Variants in ABCA3 observed in about 807,000 individuals in gnomAD.
ABCA3 encodes the protein ATP binding cassette subfamily A member 3.
ABCA3 carries 88 observed loss-of-function variants against 172.8 expected under a neutral mutation model. The observed-to-expected ratio is 0.51, with a 90% CI of 0.43 to 0.61. The LOEUF (loss-of-function observed/expected upper bound fraction) is 0.61. ABCA3 is among the 20% of genes least tolerant of loss of function. ABCA3 has a pLI of 0.00. For missense variants in ABCA3, 2,164 were observed against 2,301.0 expected, an observed-to-expected ratio of 0.94 and a Z score of 1.22; for synonymous variants, 1,066 against 983.8, an observed-to-expected ratio of 1.08 and a Z score of -1.56.
Position 2,310,431 on chromosome 16 carries a change from CAA to C in ABCA3, c.1112-1810_1112-1809del, listed in dbSNP as rs532885771. Among the ~76,000 whole-genome samples the C allele has an allele frequency of 3.7e-3, 383 of 104,710 alleles. 5 individuals carry two copies. Among genetic ancestry groups the C allele is most frequent in the Non-Finnish European group, 2.1e-3 (92 of 44,868 alleles). The allele number at this position is 104,710 out of a possible 152,430, so 68.7% of individuals were successfully genotyped here. ...CAAAACAAACAAACAAACAAAAAAACAAACAAACAAACAAAACACCCACACAC... is the reference window on the plus strand; with the variant it reads ...CAAAACAAACAAACAAACAAAAAAACACAAACAAACAAAACACCCACACAC... On this transcript the variant is annotated intron_variant, in intron 10 of 32. Coordinates refer to ENST00000301732, the MANE Select transcript of ABCA3 (RefSeq NM_001089.3).
intron 20 of ABCA3, among the ~76,000 whole-genome samples, chr16:2,288,782 G>C (rs1474219512): frequency 1.3e-5 from 2 of 152,124 alleles, no homozygotes; most frequent in Non-Finnish European, 2.9e-5. Context: ...CTGACCTCAA[G>C]TGATCTGCCC....
chr16:2,297,740 C>T lies in ABCA3; in HGVS notation c.2052+26G>A. ...TCCCAGGTCGAGCAGGAGGGGAACC[C>T]ACTGCCTCCAGTCCCACCGCCACAC... On this transcript the variant is annotated intron_variant, in intron 16 of 32. Coordinates refer to ENST00000301732, the MANE Select transcript of ABCA3 (RefSeq NM_001089.3). This position sits in a 1 kb window ranked among gnomAD's most constrained non-coding sequence, Gnocchi z 5.6. The T allele has an allele frequency of 2.5e-6, 4 of 1,607,616 alleles. No individual in the cohort carries two copies. The highest frequency in any genetic ancestry group is 3.4e-6 in the Non-Finnish European group (4 of 1,179,956).
Position 2,298,429 on chromosome 16 carries a change from A to C in ABCA3, c.1853T>G (p.Phe618Cys). Residue 618 changes from phenylalanine to cysteine, a missense_variant, in exon 15 of 33, where the codon TTT becomes TGT. Coordinates refer to ENST00000301732, the MANE Select transcript of ABCA3 (RefSeq NM_001089.3). ...GTGCTCTGCGACTGTCAAGTTGTCA[A>C]ACAGGATGTCGTGCTGCGGGCACAG... ...LGLCPQHDIL[F>C]DNLTVAEHLY... 1.9e-6 allele frequency: 3 copies of C among 1,614,118 alleles called. No homozygotes were observed. Among genetic ancestry groups the C allele is most frequent in the Non-Finnish European group, 2.5e-6 (3 of 1,180,012 alleles).
At chr16:2,338,944 T>C (rs2093756135) in intron 1 of ABCA3, among the ~76,000 whole-genome samples, 2 of 151,908 alleles carry the variant, frequency 1.3e-5, no homozygotes, top group South Asian at 4.2e-4. Context: ...TTGGTAAAGA[T>C]GAGGTTTCGC....
chr16:2,292,778 AAAC>A (rs1261552342), intron 18 of ABCA3, among the ~76,000 whole-genome samples: 2 of 151,744 alleles, frequency 1.3e-5, no homozygotes, highest in Non-Finnish European at 2.9e-5. Context: ...AAACAAAACA[AAAC>A]AACAAACAAC....
intron 7 of ABCA3, among the ~76,000 whole-genome samples, chr16:2,321,352 A>T (rs2093725756): frequency 1.3e-5 from 2 of 152,204 alleles, no homozygotes; most frequent in African/African-American, 2.4e-5. Flanking sequence ...GCCCTAGAGC[A>T]TTAGCCTGGT....
At position 2,284,414 on chromosome 16, in the gene ABCA3, T is replaced by C; in HGVS notation, c.3727A>G (p.Lys1243Glu). 1 of 1,613,968 alleles carries C rather than the reference T, an allele frequency of 6.2e-7. No homozygotes were observed. Among genetic ancestry groups the C allele is most frequent in the Non-Finnish European group, 8.5e-7 (1 of 1,180,014 alleles). Reference protein sequence around the residue: ...IPAVKLEELSKTLDHVFLVLP... With the variant: ...IPAVKLEELSETLDHVFLVLP... ...ACCAGGAACACGTGATCCAGGGTTT[T>C]GGAAAGTTCTTCCAGTTTTACAGCT... The change falls in exon 25 of 33, where the codon AAA becomes GAA. Residue 1243 changes from lysine (K) to glutamate (E), a missense_variant. Coordinates refer to ENST00000301732, the MANE Select transcript of ABCA3 (RefSeq NM_001089.3). The surrounding 1 kb of genome is among the most constrained non-coding windows in gnomAD (Gnocchi z 5.9).
At position 2,317,666 on chromosome 16, in the gene ABCA3, G is replaced by C. The variant is rs111299452; in HGVS notation, c.972C>G (p.Thr324=). 2.0e-5 allele frequency: 33 copies of C among 1,614,216 alleles called. No homozygotes were observed. In the African/African-American group the frequency reaches 2.5e-4, roughly 12 times the overall value. Residue 324 remains threonine, a synonymous_variant, in exon 9 of 33, where the codon ACC becomes ACG. Coordinates refer to ENST00000301732, the MANE Select transcript of ABCA3 (RefSeq NM_001089.3). ...LFLLIAASFM[T]LLFCVKVKPN... ...TGCTCACCTTGACACAGAAGAGCAGGGTCATGAAGGAGGCGGCGATGAGGA... is the reference window on the plus strand; with the variant it reads ...TGCTCACCTTGACACAGAAGAGCAGCGTCATGAAGGAGGCGGCGATGAGGA...
rs2093660041 is a variant in ABCA3, at chr16:2,284,688, T to G, written c.3703+91A>C. 7.1e-7 allele frequency: 1 copy of G among 1,409,758 alleles called. No individual in the cohort carries two copies. The highest frequency in any genetic ancestry group is 1.4e-5 in the African/African-American group (1 of 70,304). The allele number at this position is 1,409,758 out of a possible 1,614,324, so 87.3% of individuals were successfully genotyped here. A position where few individuals can be genotyped will look rare whatever the true frequency, so the allele number is the denominator to read the frequency against. On this transcript the variant is annotated intron_variant, in intron 24 of 32. Transcript: ENST00000301732. The surrounding 1 kb of genome is among the most constrained non-coding windows in gnomAD (Gnocchi z 5.9). The stretch of plus-strand genomic sequence containing the variant: ...GCATGAACTGGGCCCATTGCCTGAG[T>G]CCCGCCTCGGCTGTGGCTGGTGCCT...
chr16:2,339,812 C>T (rs1397016520), intron 1 of ABCA3, among the ~76,000 whole-genome samples: 2 of 152,290 alleles, frequency 1.3e-5, no homozygotes, highest in African/African-American at 4.8e-5. Context: ...AGCGCCTTCC[C>T]CACGCCCCTG....
chr16:2,313,642 T>C lies in ABCA3; in HGVS notation c.1111+3641A>G, dbSNP rs181696472. On this transcript the variant is annotated intron_variant, in intron 10 of 32. Transcript: ENST00000301732. The stretch of plus-strand genomic sequence containing the variant: ...TTAAGAGGCCAGGCGTGGTGGCTCA[T>C]GCCTGTAATCCCAGCACTCTGGGAG... Among the ~76,000 whole-genome samples, 14 of 147,826 alleles carry C rather than the reference T, an allele frequency of 9.5e-5. 1 individual carries two copies. In the East Asian group the frequency reaches 2.8e-3, roughly 30 times the overall value.
At chr16:2,308,668 C>A (rs766482871) in intron 10 of ABCA3, 45 bp from the exon 11 acceptor site, 2 of 1,610,292 alleles carry the variant, frequency 1.2e-6, no homozygotes, top group South Asian at 2.2e-5. Context: ...TCAGTGCCCT[C>A]AAAAGGGGCT....
chr16:2,321,202 C>T (rs1567352811), intron 7 of ABCA3, among the ~76,000 whole-genome samples: 1 of 152,200 alleles, frequency 6.6e-6, no homozygotes, highest in East Asian at 1.9e-4. Flanking sequence ...TCCCCTGCTG[C>T]AGGCAGCAAG....
Position 2,278,410 on chromosome 16 carries a change from C to T in ABCA3, c.4596G>A (p.Glu1532=). The change falls in exon 30 of 33, where the codon GAG becomes GAA. Residue 1532 remains glutamate (E), a synonymous_variant. Coordinates refer to ENST00000301732, the MANE Select transcript of ABCA3 (RefSeq NM_001089.3). The surrounding 1 kb of genome is among the most constrained non-coding windows in gnomAD (Gnocchi z 4.4). The part of the protein sequence containing the change: ...KLSTGIALIG[E]PAVIFLDEPS... The stretch of plus-strand genomic sequence containing the variant: ...GCTCGTCCAGGAAGATGACAGCAGG[C>T]TCTCCGATCAGGGCGATGCCGGTGC... 6.2e-7 allele frequency: 1 copy of T among 1,612,878 alleles called. No individual in the cohort carries two copies. The highest frequency in any genetic ancestry group is 8.5e-7 in the Non-Finnish European group (1 of 1,180,014).
intron 11 of ABCA3, 102 bp from the exon 12 acceptor site, chr16:2,304,252 G>A: frequency 8.0e-7 from 1 of 1,244,602 alleles, no homozygotes. Context: ...ACCTTGCATG[G>A]CCACTGCTTG....
At chr16:2,296,928 G>A (rs188622821) in intron 17 of ABCA3, among the ~76,000 whole-genome samples, 5 of 152,326 alleles carry the variant, frequency 3.3e-5, no homozygotes, top group Admixed American at 6.5e-5. Context: ...AAGGGAAGCC[G>A]TAGTTGCACA....
intron 26 of ABCA3, among the ~76,000 whole-genome samples, chr16:2,282,026 G>A (rs1360075112): frequency 6.6e-6 from 1 of 152,154 alleles, no homozygotes; most frequent in Non-Finnish European, 1.5e-5. Flanking sequence ...CTGACCTTTG[G>A]TGATCCGTCC....
chr16:2,285,465 G>A lies in ABCA3; in HGVS notation c.3460C>T (p.Leu1154Phe), dbSNP rs1350099367. ...ACCAGCAGCAGCAGACTGGGGATGA[G>A]GAAGGAGATGAGGTCCCACAGCAGA... ...SALLWDLISF[L>F]IPSLLLLVVF... The change falls in exon 23 of 33, where the codon CTC (leucine) becomes TTC (phenylalanine). Residue 1154 changes from leucine (L) to phenylalanine (F), a missense_variant. Leu to Phe is a conservative substitution (Grantham distance 22). This residue lies in a region of ABCA3 where 795 missense variants were observed against 881.9 expected (regional missense o/e 0.90). Transcript: ENST00000301732. The surrounding 1 kb of genome is among the most constrained non-coding windows in gnomAD (Gnocchi z 4.7). 1 of 1,611,396 alleles carries A rather than the reference G, an allele frequency of 6.2e-7. No individual in the cohort carries two copies. Among genetic ancestry groups the A allele is most frequent in the Non-Finnish European group, 8.5e-7 (1 of 1,178,898 alleles).
At chr16:2,307,669 G>A (rs1049018508) in intron 11 of ABCA3, among the ~76,000 whole-genome samples, 5 of 152,182 alleles carry the variant, frequency 3.3e-5, no homozygotes, top group South Asian at 2.1e-4. Context: ...GCAGTGGTGC[G>A]ATCTCAGCTC....
Sources: gnomAD v4.1 joint callset for allele counts (sites outside exome capture counted in the v4.1 genomes callset) on GRCh38, gnomAD v4.1.1 for gene constraint, gnomAD v4.1.1 regional missense constraint, Gnocchi (gnomAD v3.1) non-coding constraint, MANE v1.5 for transcripts, NCBI Gene and HGNC (gene_info 2026-07-23, HGNC 2026-07-21) for gene names.